Variants in PRUNE2 observed in about 807,000 individuals in gnomAD.
The protein encoded by PRUNE2 is protein prune homolog 2.
PRUNE2 carries 164 observed loss-of-function variants against 252.0 expected under a neutral mutation model. The ratio of observed to expected loss-of-function variants is 0.65; its 90% CI spans 0.57 to 0.74. The LOEUF (loss-of-function observed/expected upper bound fraction) is 0.74, where lower values mean the gene tolerates loss of function less well. PRUNE2 is among the 30% of genes least tolerant of loss of function. The probability of loss-of-function intolerance (pLI) is 0.00; values close to 1 mark genes in which losing one functional copy is unlikely to be tolerated. For missense variants in PRUNE2, 3,495 were observed against 3,711.0 expected (o/e 0.94, Z 1.51); for synonymous variants, 1,292 against 1,350.2 (o/e 0.96, Z 0.94).
In PRUNE2 at chr9:76,710,172, G is replaced by A; in HGVS notation, c.2102C>T (p.Ser701Phe). 1 of 1,613,884 alleles carries A rather than the reference G, an allele frequency of 6.2e-7. No homozygotes were observed. The highest frequency in any genetic ancestry group is 8.5e-7 in the Non-Finnish European group (1 of 1,179,850). ...TTCGAGGCTCTTTGGTTGAAATACAGAATCTGAGGCTCTCCTATCAATGGA... is the reference window on the plus strand; with the variant it reads ...TTCGAGGCTCTTTGGTTGAAATACAAAATCTGAGGCTCTCCTATCAATGGA... ...PSSIDRRASD[S>F]VFQPKSLEFT... Residue 701 changes from serine to phenylalanine, a missense_variant, in exon 8 of 19, where the codon TCT (serine) becomes TTT (phenylalanine). Transcript: ENST00000376718.
intron 9 of PRUNE2, among the ~76,000 whole-genome samples, chr9:76,657,737 T>C (rs946851104): frequency 3.3e-5 from 5 of 152,358 alleles, no homozygotes; most frequent in South Asian, 2.1e-4. Context: ...ACTTAAAACA[T>C]AGTACAGGAG....
intron 6 of PRUNE2, among the ~76,000 whole-genome samples, chr9:76,817,369 T>C (rs536022842): frequency 6.6e-6 from 1 of 152,316 alleles, no homozygotes; most frequent in Non-Finnish European, 1.5e-5. Context: ...ACCTCTAAGA[T>C]AGAGATTATG....
intron 6 of PRUNE2, chr9:76,778,787 G>C (rs538561886): frequency 6.6e-6 from 1 of 152,280 alleles, no homozygotes; most frequent in South Asian, 2.1e-4. Context: ...ACATTTGGTG[G>C]AACTGAGAAA....
At chr9:76,683,740 A>C (rs2043750271) in intron 9 of PRUNE2, among the ~76,000 whole-genome samples, 1 of 152,116 alleles carries the variant, frequency 6.6e-6, no homozygotes, top group Non-Finnish European at 1.5e-5. Context: ...CAAATGAAAG[A>C]ATATCATAGA....
At chr9:76,827,134 G>T (rs868448397) in intron 4 of PRUNE2, among the ~76,000 whole-genome samples, 3 of 152,088 alleles carry the variant, frequency 2.0e-5, no homozygotes, top group South Asian at 2.1e-4. Flanking sequence ...GGACCAGAAA[G>T]AATACTGTTT....
chr9:76,677,826 G>A (rs1259070284), intron 9 of PRUNE2, among the ~76,000 whole-genome samples: 2 of 152,176 alleles, frequency 1.3e-5, no homozygotes, highest in African/African-American at 2.4e-5. Flanking sequence ...TCCATTCCCC[G>A]AGGTCAGCAT....
chr9:76,823,069 C>CA (rs2058126085), intron 6 of PRUNE2, among the ~76,000 whole-genome samples: 1 of 152,090 alleles, frequency 6.6e-6, no homozygotes, highest in South Asian at 2.1e-4. Context: ...CCAAAGTAGA[C>CA]AAAAGATAAC....
At chr9:76,647,963 A>C (rs776719180) in intron 11 of PRUNE2, among the ~76,000 whole-genome samples, 3 of 152,144 alleles carry the variant, frequency 2.0e-5, no homozygotes, top group Non-Finnish European at 4.4e-5. Flanking sequence ...TGTGTCTCAA[A>C]AACAACAACA....
chr9:76,852,806 G>A lies in PRUNE2; in HGVS notation c.141+1298C>T, dbSNP rs72735030. On this transcript the variant is annotated intron_variant, in intron 2 of 18. Transcript: ENST00000376718. ...TTTTTATCTAGCCATCTGTCTGTCT[G>A]TCTATCTATCTATCTATCTATCTAT... Among the ~76,000 whole-genome samples, 555 of 76,526 alleles carry A rather than the reference G, an allele frequency of 7.3e-3. 2 individuals are homozygous for A. The highest frequency in any genetic ancestry group is 0.013 in the South Asian group (35 of 2,758). The allele number at this position is 76,526 out of a possible 152,430, so 50.2% of individuals were successfully genotyped here.
chr9:76,904,879 T>G (rs993895682), intron 1 of PRUNE2, among the ~76,000 whole-genome samples: 1 of 152,248 alleles, frequency 6.6e-6, no homozygotes, highest in Admixed American at 6.5e-5. Flanking sequence ...CTGCACTCCC[T>G]TTGTTGTGCG....
At chr9:76,652,943 T>C (rs751926883) in intron 10 of PRUNE2, among the ~76,000 whole-genome samples, 2 of 152,144 alleles carry the variant, frequency 1.3e-5, no homozygotes, top group Non-Finnish European at 2.9e-5. Context: ...AAGTAAGGGA[T>C]ACTTAACCTA....
chr9:76,856,946 G>A, intron 1 of PRUNE2: 1 of 387,290 alleles, frequency 2.6e-6, no homozygotes, highest in East Asian at 7.3e-5. Flanking sequence ...TAGAGACGGA[G>A]TTTCACCATG....
intron 6 of PRUNE2, among the ~76,000 whole-genome samples, chr9:76,775,803 C>T (rs2053668324): frequency 6.6e-6 from 1 of 152,220 alleles, no homozygotes; most frequent in Non-Finnish European, 1.5e-5. Flanking sequence ...CTCACCCGGC[C>T]TTCATGCCGG....
chr9:76,811,142 C>G (rs577201174), intron 6 of PRUNE2, among the ~76,000 whole-genome samples: 2 of 152,124 alleles, frequency 1.3e-5, no homozygotes, highest in Non-Finnish European at 2.9e-5. Context: ...TGTAATTAGC[C>G]AAATCCTTCC....
intron 1 of PRUNE2, among the ~76,000 whole-genome samples, chr9:76,894,113 T>C (rs1259246645): frequency 6.6e-6 from 1 of 152,226 alleles, no homozygotes; most frequent in East Asian, 1.9e-4. Flanking sequence ...GTTCTCTCAA[T>C]GATCTTGGTA....
At chr9:76,666,081 T>C (rs1010699990) in intron 9 of PRUNE2, among the ~76,000 whole-genome samples, 1 of 152,102 alleles carries the variant, frequency 6.6e-6, no homozygotes, top group South Asian at 2.1e-4. Flanking sequence ...TGAGGGGACA[T>C]AGTGAGAAGT....
chr9:76,740,526 CA>C (rs2049522896), intron 6 of PRUNE2: 1 of 151,328 alleles, frequency 6.6e-6, no homozygotes, highest in African/African-American at 2.4e-5. Context: ...CAAAGAGAGC[CA>C]AAAGGCATTA....
At chr9:76,768,583 A>G (rs13296713) in intron 6 of PRUNE2, among the ~76,000 whole-genome samples, 5,770 of 103,086 alleles carry the variant, frequency 0.056, 124 homozygotes, top group South Asian at 0.11. Flanking sequence ...ATGTATATGT[A>G]TGTGTGTGTG....
At chr9:76,883,449 T>G (rs1208203156) in intron 1 of PRUNE2, among the ~76,000 whole-genome samples, 1 of 152,238 alleles carries the variant, frequency 6.6e-6, no homozygotes, top group African/African-American at 2.4e-5. Context: ...AAACTAACCA[T>G]GTAGCACTTA....
Sources: gnomAD v4.1 joint callset for allele counts (sites outside exome capture counted in the v4.1 genomes callset) on GRCh38, gnomAD v4.1.1 for gene constraint, MANE v1.5 for transcripts, NCBI Gene and HGNC (gene_info 2026-07-23, HGNC 2026-07-21) for gene names.